Variants in TEX30 observed in about 807,000 individuals in gnomAD.
The protein encoded by TEX30 is testis expressed 30.
Under a neutral mutation model 23.8 loss-of-function variants are expected in TEX30, and 14 were observed. The ratio of observed to expected loss-of-function variants is 0.59; its 90% CI spans 0.39 to 0.92. The LOEUF is 0.92. Ranked by LOEUF, TEX30 falls within the 40% of genes least tolerant of loss-of-function variation. The pLI is 0.00. For synonymous variants in TEX30, 78 were observed against 90.2 expected (o/e 0.87, Z 0.76); for missense variants, 246 against 270.6 (o/e 0.91, Z 0.64).
At chr13:102,769,911 C>T (rs1056172914) in intron 2 of TEX30, 101 bp downstream of exon 2, 6 of 1,051,056 alleles carry the variant, frequency 5.7e-6, no homozygotes, top group Non-Finnish European at 7.7e-6. Context: ...TATACTGCCT[C>T]CCACAGTGAA....
Position 102,768,280 on chromosome 13 carries a change from A to C in TEX30, c.278T>G (p.Leu93Arg). 1 of 1,606,340 alleles carries C rather than the reference A, an allele frequency of 6.2e-7. No individual in the cohort carries two copies. The highest frequency in any genetic ancestry group is 8.5e-7 in the Non-Finnish European group (1 of 1,177,264). Residue 93 changes from leucine (L) to arginine (R), a missense_variant, in exon 4 of 6, where the codon CTT becomes CGT. Coordinates refer to ENST00000376032, the MANE Select transcript of TEX30 (RefSeq NM_138779.5). ...CTTACCTCCAAGAAAAACACCTGCA[A>C]GTTTGTATTCTCCTGATGTCTTCAG... ...NYLKTSGEYK[L>R]AGVFLGGRSM...
At position 102,767,434 on chromosome 13, in the gene TEX30, T is replaced by C; in HGVS notation, c.343A>G (p.Ile115Val). 1 of 1,614,168 alleles carries C rather than the reference T, an allele frequency of 6.2e-7. No individual in the cohort carries two copies. The highest frequency in any genetic ancestry group is 8.5e-7 in the Non-Finnish European group (1 of 1,180,026). Residue 115 changes from isoleucine (I) to valine (V), a missense_variant, in exon 5 of 6, where the codon ATT becomes GTT. Transcript: ENST00000376032. Reference sequence around the variant, plus strand: ...AAATCATCACCATCATCTGGCTCAATGTGACACATTACAGAAGCAGCTGCT... The same window carrying C: ...AAATCATCACCATCATCTGGCTCAACGTGACACATTACAGAAGCAGCTGCT... ...SRAAASVMCH[I>V]EPDDGDDFVR...
intron 4 of TEX30, 30 bp from the exon 5 acceptor site, chr13:102,767,508 GA>G: frequency 6.2e-7 from 1 of 1,605,616 alleles, no homozygotes; most frequent in South Asian, 1.1e-5. Context: ...AGTTCAGTTT[GA>G]AATATAAACT....
Position 102,770,079 on chromosome 13 carries a change from A to G in TEX30, c.-53T>C. 1 of 1,267,802 alleles carries G rather than the reference A, an allele frequency of 7.9e-7. No individual in the cohort carries two copies. Among genetic ancestry groups the G allele is most frequent in the South Asian group, 2.7e-5 (1 of 36,802 alleles). The allele number at this position is 1,267,802 out of a possible 1,614,324, so 78.5% of individuals were successfully genotyped here. On this transcript the variant is annotated 5_prime_UTR_variant, in exon 2 of 6. Transcript: ENST00000376032. ...TGCATTTACATCTGAGAAGCAAAGGACATCTCCCTGAAAAGAAGATTCTGT... is the reference window on the plus strand; with the variant it reads ...TGCATTTACATCTGAGAAGCAAAGGGCATCTCCCTGAAAAGAAGATTCTGT...
rs1290243549 is a variant in TEX30 at position 102,769,561 on chromosome 13, A to G, written c.16-20T>C. ...TTTAACCTGGAATTCAAGAGAATAA[A>G]GGGATCAAAAATTACTTTCTTGCCT... On this transcript the variant is annotated intron_variant, in intron 2 of 5. Coordinates refer to ENST00000376032, the MANE Select transcript of TEX30 (RefSeq NM_138779.5). 1 of 1,478,056 alleles carries G rather than the reference A, an allele frequency of 6.8e-7. No individual in the cohort carries two copies. The highest frequency in any genetic ancestry group is 9.2e-7 in the Non-Finnish European group (1 of 1,081,690). The allele number at this position is 1,478,056 out of a possible 1,614,324, so 91.6% of individuals were successfully genotyped here. A position where few individuals can be genotyped will look rare whatever the true frequency, so the allele number is the denominator to read the frequency against.
chr13:102,768,177 A>T (rs1489454258), intron 4 of TEX30, 83 bp downstream of exon 4: 2 of 1,188,446 alleles, frequency 1.7e-6, no homozygotes, highest in African/African-American at 3.2e-5. Context: ...TTAGCTTCCT[A>T]TGATCAACTA....
chr13:102,769,451 G>A lies in TEX30; in HGVS notation c.106C>T (p.His36Tyr). The A allele has an allele frequency of 6.2e-7, 1 of 1,611,944 alleles. No individual in the cohort carries two copies. The highest frequency in any genetic ancestry group is 1.3e-5 in the African/African-American group (1 of 74,966). Residue 36 changes from histidine to tyrosine, a missense_variant, in exon 3 of 6, where the codon CAT (histidine) becomes TAT (tyrosine). Physicochemically the swap from His to Tyr is moderately conservative, Grantham distance 83. Coordinates refer to ENST00000376032, the MANE Select transcript of TEX30 (RefSeq NM_138779.5). ...AGATTCATATCTCCTGATGCTCCAT[G>A]TGTAAGAATTATTCCATATGTTAAG... ...KSLTYGIILT[H>Y]GASGDMNLPH...
At chr13:102,772,818 C>G (rs548189397) in intron 1 of TEX30, among the ~76,000 whole-genome samples, 1 of 152,210 alleles carries the variant, frequency 6.6e-6, no homozygotes, top group African/African-American at 2.4e-5. Flanking sequence ...CCACCCGCCT[C>G]GGCCTCCCAT....
intron 3 of TEX30, among the ~76,000 whole-genome samples, chr13:102,768,826 TTTAAG>T (rs1396821579): frequency 6.6e-6 from 1 of 152,188 alleles, no homozygotes; most frequent in Non-Finnish European, 1.5e-5. Context: ...CTCATAATGT[TTTAAG>T]TAAGTTTACA....
At chr13:102,767,086 G>T (rs1216680106) in intron 5 of TEX30, among the ~76,000 whole-genome samples, 187 bp downstream of exon 5, 1 of 151,980 alleles carries the variant, frequency 6.6e-6, no homozygotes, top group Non-Finnish European at 1.5e-5. Flanking sequence ...CTATTTCCAG[G>T]GATACAAATT....
chr13:102,766,778 A>C (rs1408211745), intron 5 of TEX30, among the ~76,000 whole-genome samples, 198 bp from the exon 6 acceptor site: 1 of 152,250 alleles, frequency 6.6e-6, no homozygotes, highest in East Asian at 1.9e-4. Flanking sequence ...GCAGTATCAG[A>C]TCAAGCATTT....
At chr13:102,769,231 G>T (rs1482641519) in intron 3 of TEX30, 80 bp downstream of exon 3, 1 of 1,049,620 alleles carries the variant, frequency 9.5e-7, no homozygotes, top group Non-Finnish European at 1.3e-6. Context: ...TAAACCAGAT[G>T]ACTAATAAAA....
intron 4 of TEX30, 77 bp from the exon 5 acceptor site, chr13:102,767,555 G>A: frequency 7.1e-7 from 1 of 1,410,462 alleles, no homozygotes; most frequent in Non-Finnish European, 9.7e-7. Context: ...TGGCAAATTG[G>A]ATCTTTTACT....
intron 1 of TEX30, among the ~76,000 whole-genome samples, chr13:102,772,114 A>G (rs909561342): frequency 1.3e-5 from 2 of 151,792 alleles, no homozygotes. Context: ...CATGTAAACA[A>G]CCACTATCTT....
intron 1 of TEX30, 186 bp from the exon 2 acceptor site, chr13:102,770,272 A>G (rs1877229013): frequency 5.9e-6 from 2 of 336,656 alleles, no homozygotes; most frequent in Non-Finnish European, 1.1e-5. Context: ...CAGGGTTGGT[A>G]GATGTTATAG....
intron 4 of TEX30, among the ~76,000 whole-genome samples, chr13:102,768,021 T>C (rs541359345): frequency 1.4e-3 from 208 of 152,298 alleles, no homozygotes; most frequent in African/African-American, 4.7e-3. Flanking sequence ...AATCATCATA[T>C]GCAGGATGAT....
intron 1 of TEX30, among the ~76,000 whole-genome samples, chr13:102,772,431 T>C (rs1380202695): frequency 2.0e-5 from 3 of 152,096 alleles, no homozygotes; most frequent in African/African-American, 7.2e-5. Flanking sequence ...CCCAAGGCGT[T>C]TGCCACCTCT....
At chr13:102,769,199 CTCAT>C (rs937291824) in intron 3 of TEX30, 108 bp downstream of exon 3, 4 of 771,676 alleles carry the variant, frequency 5.2e-6, no homozygotes, top group African/African-American at 3.7e-5. Flanking sequence ...TAAGAATACA[CTCAT>C]TCAAAGATTT....
intron 4 of TEX30, 75 bp from the exon 5 acceptor site, chr13:102,767,553 T>TG: frequency 1.4e-6 from 2 of 1,445,960 alleles, no homozygotes; most frequent in Non-Finnish European, 1.9e-6. Context: ...TGTGGCAAAT[T>TG]GGATCTTTTA....
Sources: allele counts gnomAD v4.1 joint callset (sites outside exome capture counted in the v4.1 genomes callset), GRCh38; gene constraint gnomAD v4.1.1; transcripts MANE v1.5; gene names NCBI Gene and HGNC (gene_info 2026-07-23, HGNC 2026-07-21).